FBXW11: variants seen among roughly 807,000 people sequenced by gnomAD.
FBXW11 encodes F-box/WD repeat-containing protein 11.
Under a neutral mutation model 77.6 loss-of-function variants are expected in FBXW11, and 19 were observed. That is an observed-to-expected ratio of 0.24 (90% CI 0.17 to 0.36). FBXW11 has a LOEUF of 0.36. Ranked by LOEUF, FBXW11 falls within the 10% of genes least tolerant of loss-of-function variation. The pLI is 1.00. For synonymous variants in FBXW11, 235 were observed against 249.4 expected (o/e 0.94, Z 0.54); for missense variants, 334 against 704.2 (o/e 0.47, Z 5.95).
At chr5:171,954,630 T>C (rs886563895) in intron 2 of FBXW11, among the ~76,000 whole-genome samples, 1 of 152,170 alleles carries the variant, frequency 6.6e-6, no homozygotes, top group Non-Finnish European at 1.5e-5. Flanking sequence ...AGATAACCAA[T>C]AGAGGCCCTG....
chr5:171,867,387 GA>G (rs1267048500), intron 13 of FBXW11, among the ~76,000 whole-genome samples: 1 of 148,118 alleles, frequency 6.8e-6, no homozygotes, highest in African/African-American at 2.5e-5. Context: ...TGCATGTCAT[GA>G]AAAAAATTCT....
chr5:171,944,996 A>G (rs571006102), intron 2 of FBXW11, among the ~76,000 whole-genome samples: 2 of 152,354 alleles, frequency 1.3e-5, no homozygotes, highest in South Asian at 4.1e-4. Context: ...GGACTGTTTT[A>G]GAAACAGATG....
chr5:171,917,244 A>C (rs1008752644), intron 2 of FBXW11, among the ~76,000 whole-genome samples: 22 of 152,178 alleles, frequency 1.4e-4, no homozygotes, highest in Admixed American at 1.4e-3. Context: ...GTTTTAAACT[A>C]AAAGCTTTTG....
At chr5:172,006,412 GGGCC>G (rs1766778908) in intron 1 of FBXW11, 42 bp downstream of exon 1, 3 of 1,510,272 alleles carry the variant, frequency 2.0e-6, no homozygotes. Context: ...GGCCCGCCCG[GGGCC>G]GGACGGACGG....
chr5:171,935,248 C>T (rs559383192), intron 2 of FBXW11, among the ~76,000 whole-genome samples: 7 of 152,180 alleles, frequency 4.6e-5, no homozygotes, highest in African/African-American at 1.2e-4. Flanking sequence ...TGAGCCACCG[C>T]GCCCAGCCGG....
At chr5:171,872,723 A>G (rs1757831009) in intron 10 of FBXW11, 149 bp downstream of exon 10, 1 of 632,796 alleles carries the variant, frequency 1.6e-6, no homozygotes, top group African/African-American at 1.8e-5. Flanking sequence ...GAGTATACAG[A>G]GCCCAAATAC....
chr5:171,894,192 G>A (rs1005753903), intron 6 of FBXW11, among the ~76,000 whole-genome samples: 6 of 152,214 alleles, frequency 3.9e-5, no homozygotes, highest in South Asian at 2.1e-4. Context: ...GACAGAGGAC[G>A]ACAACAACAT....
chr5:171,948,234 CAAA>C (rs765248373), intron 2 of FBXW11, among the ~76,000 whole-genome samples: 1 of 44,328 alleles, frequency 2.3e-5, no homozygotes, highest in Non-Finnish European at 5.0e-5. Context: ...GACTCCAACT[CAAA>C]AAAAAAAAAA....
At chr5:171,958,620 T>A (rs1335414876) in intron 1 of FBXW11, among the ~76,000 whole-genome samples, 1 of 152,218 alleles carries the variant, frequency 6.6e-6, no homozygotes, top group Non-Finnish European at 1.5e-5. Flanking sequence ...CTTGCTGATT[T>A]TAAAGGAATT....
chr5:171,862,093 C>T lies in FBXW11; in HGVS notation c.*2034G>A, dbSNP rs1757125972. ...TAAACATGCAAAAACAACAAAAAATCCATTCATTCATTCAGAATTGCCTCC... is the reference window on the plus strand; with the variant it reads ...TAAACATGCAAAAACAACAAAAAATTCATTCATTCATTCAGAATTGCCTCC... On this transcript the variant is annotated 3_prime_UTR_variant, in exon 14 of 14. Coordinates refer to ENST00000517395, the MANE Select transcript of FBXW11 (RefSeq NM_001378974.1). 1 of 152,578 alleles carries T rather than the reference C, an allele frequency of 6.6e-6. No homozygotes were observed. 9.5% of individuals were successfully genotyped at this position (152,578 alleles called of 1,614,324 possible).
chr5:171,974,527 G>A (rs1764710855), intron 1 of FBXW11, among the ~76,000 whole-genome samples: 1 of 151,508 alleles, frequency 6.6e-6, no homozygotes, highest in African/African-American at 2.4e-5. Context: ...TTGCTTATAA[G>A]TTTCCCTTAT....
chr5:171,996,997 T>C (rs1581096899), intron 1 of FBXW11: 1 of 1,289,832 alleles, frequency 7.8e-7, no homozygotes, highest in Non-Finnish European at 1.0e-6. Context: ...CAAGATTCTT[T>C]CCGTTTACTG....
rs1158021606 is a variant in FBXW11, at chr5:171,984,085, C to G, written c.45+22373G>C. Among the ~76,000 whole-genome samples the G allele has an allele frequency of 2.6e-5, 4 of 151,972 alleles. No homozygotes were observed. The East Asian group carries it at 7.7e-4, about 29-fold the overall frequency. On this transcript the variant is annotated intron_variant, in intron 1 of 13. Transcript: ENST00000517395. ...CCACAAGAGTATATACTCTATAATC[C>G]TATTTACATAAATTTCAAAAACAGA...
Position 171,876,805 on chromosome 5 carries a change from G to C in FBXW11, c.972-271C>G, listed in dbSNP as rs192846070. ...CTGAGAGAACAGGTTGTTGAAAAGA[G>C]CCTCCTAGCACCTCCTCCCTCTCTC... On this transcript the variant is annotated intron_variant, in intron 8 of 13. Transcript: ENST00000517395. This position sits in a 1 kb window ranked among gnomAD's most constrained non-coding sequence, Gnocchi z 4.2. 6.6e-6 allele frequency among the ~76,000 whole-genome samples: 1 copy of C among 152,086 alleles called. No individual in the cohort carries two copies. The highest frequency in any genetic ancestry group is 2.4e-5 in the African/African-American group (1 of 41,394).
At chr5:171,887,831 G>A (rs1405264430) in intron 7 of FBXW11, among the ~76,000 whole-genome samples, 1 of 151,820 alleles carries the variant, frequency 6.6e-6, no homozygotes, top group Non-Finnish European at 1.5e-5. Context: ...CTAATTTTTT[G>A]TATTTTTAGT....
At chr5:171,887,401 A>C (rs1758983200) in intron 7 of FBXW11, among the ~76,000 whole-genome samples, 1 of 152,124 alleles carries the variant, frequency 6.6e-6, no homozygotes. Context: ...AAAAAATAAA[A>C]ATTAAAAAAA....
intron 4 of FBXW11, among the ~76,000 whole-genome samples, chr5:171,909,336 A>T (rs1049524690): frequency 3.9e-5 from 6 of 152,202 alleles, no homozygotes; most frequent in Non-Finnish European, 7.4e-5. Flanking sequence ...ATTATTTTTT[A>T]AAAATCAAAG....
intron 1 of FBXW11, among the ~76,000 whole-genome samples, chr5:171,977,339 GA>G (rs1363758297): frequency 6.7e-6 from 1 of 148,754 alleles, no homozygotes; most frequent in Non-Finnish European, 1.5e-5. Flanking sequence ...AGAAAGAAAA[GA>G]AAAAAGAAAG....
intron 1 of FBXW11, 147 bp from the exon 2 acceptor site, chr5:171,957,845 T>C: frequency 1.5e-6 from 1 of 645,380 alleles, no homozygotes; most frequent in Non-Finnish European, 2.8e-6. Context: ...GACAGCTCAC[T>C]GAAACCTTGG....
Sources: gnomAD v4.1 joint callset for allele counts (sites outside exome capture counted in the v4.1 genomes callset) on GRCh38, gnomAD v4.1.1 for gene constraint, Gnocchi (gnomAD v3.1) non-coding constraint, MANE v1.5 for transcripts, NCBI Gene and HGNC (gene_info 2026-07-23, HGNC 2026-07-21) for gene names.